MYO16: variants seen among roughly 807,000 people sequenced by gnomAD.
MYO16 encodes the protein myosin XVI, also known as unconventional myosin-XVI.
A neutral mutation model predicts 205.3 loss-of-function variants in MYO16; 94 were observed. That is an observed-to-expected ratio of 0.46 (90% CI 0.39 to 0.54). The LOEUF (loss-of-function observed/expected upper bound fraction) is 0.54, where lower values mean the gene tolerates loss of function less well. MYO16 is among the 20% of genes least tolerant of loss of function. The probability of loss-of-function intolerance (pLI) is 0.00; values close to 1 mark genes in which losing one functional copy is unlikely to be tolerated. For synonymous variants in MYO16, 988 were observed against 954.0 expected (o/e 1.04, Z -0.66); for missense variants, 2,315 against 2,387.5 (o/e 0.97, Z 0.63).
intron 2 of MYO16, among the ~76,000 whole-genome samples, chr13:108,708,665 G>A (rs1380836673): frequency 6.6e-6 from 1 of 152,198 alleles, no homozygotes; most frequent in Admixed American, 6.5e-5. Context: ...GATGTTAAAT[G>A]TAACACCTTT....
At chr13:109,183,761 G>A (rs952744088) in intron 34 of MYO16, among the ~76,000 whole-genome samples, 27 of 152,136 alleles carry the variant, frequency 1.8e-4, no homozygotes, top group African/African-American at 3.6e-4. Context: ...GGTATTCATC[G>A]TAAGAAACCA....
At chr13:108,750,761 C>G (rs1472186970) in intron 4 of MYO16, among the ~76,000 whole-genome samples, 3 of 152,024 alleles carry the variant, frequency 2.0e-5, no homozygotes, top group Non-Finnish European at 4.4e-5. Flanking sequence ...GAGCTGAGAT[C>G]ATGCCACTGC....
chr13:108,761,771 C>A (rs1297245007), intron 4 of MYO16, among the ~76,000 whole-genome samples: 1 of 152,212 alleles, frequency 6.6e-6, no homozygotes, highest in Non-Finnish European at 1.5e-5. Flanking sequence ...CACCTTCTCT[C>A]TGTTTCTGTT....
intron 4 of MYO16, among the ~76,000 whole-genome samples, chr13:108,755,226 A>C (rs917500229): frequency 3.3e-5 from 5 of 151,040 alleles, no homozygotes; most frequent in African/African-American, 1.2e-4. Context: ...CAGAACAAGC[A>C]GAGAATATGT....
chr13:108,600,109 CT>C (rs1163598814), intron 1 of MYO16, among the ~76,000 whole-genome samples: 1 of 152,146 alleles, frequency 6.6e-6, no homozygotes, highest in Non-Finnish European at 1.5e-5. Flanking sequence ...TAATCCTTGA[CT>C]TTTTAAGATT....
chr13:108,876,958 G>A (rs1006047633), intron 12 of MYO16, among the ~76,000 whole-genome samples: 4 of 152,092 alleles, frequency 2.6e-5, no homozygotes, highest in East Asian at 1.9e-4. Flanking sequence ...GAGTCACCGC[G>A]CCCAGCCATT....
At chr13:108,876,515 G>A (rs554590349) in intron 12 of MYO16, among the ~76,000 whole-genome samples, 5 of 152,040 alleles carry the variant, frequency 3.3e-5, no homozygotes, top group East Asian at 3.9e-4. Context: ...ACTTATTTTC[G>A]TAAGCAGTGA....
chr13:109,040,095 C>CA (rs1379465195), intron 23 of MYO16, among the ~76,000 whole-genome samples: 3 of 152,006 alleles, frequency 2.0e-5, no homozygotes, highest in African/African-American at 7.2e-5. Context: ...ATCAATTCCT[C>CA]AAAAAACACA....
intron 4 of MYO16, among the ~76,000 whole-genome samples, chr13:108,746,547 G>C (rs6492141): frequency 9.8e-6 from 1 of 102,268 alleles, no homozygotes; most frequent in East Asian, 9.3e-4. Context: ...CTAGCATAAA[G>C]AAAAGGCGAC....
At chr13:108,765,017 T>C (rs1423202741) in intron 4 of MYO16, among the ~76,000 whole-genome samples, 1 of 152,188 alleles carries the variant, frequency 6.6e-6, no homozygotes, top group African/African-American at 2.4e-5. Flanking sequence ...AATAATACAA[T>C]TCAGAATCAC....
intron 27 of MYO16, among the ~76,000 whole-genome samples, chr13:109,058,708 T>C (rs1420414772): frequency 6.6e-6 from 1 of 152,136 alleles, no homozygotes; most frequent in African/African-American, 2.4e-5. Flanking sequence ...AAGGCTAGGG[T>C]GGCTGTAGTA....
intron 28 of MYO16, among the ~76,000 whole-genome samples, chr13:109,112,577 G>A (rs1889323100): frequency 6.6e-6 from 1 of 152,072 alleles, no homozygotes; most frequent in African/African-American, 2.4e-5. Context: ...CCAACATGGA[G>A]AAACCCTGTT....
chr13:108,832,861 A>C (rs1230707912), intron 9 of MYO16, among the ~76,000 whole-genome samples: 1 of 152,168 alleles, frequency 6.6e-6, no homozygotes, highest in Non-Finnish European at 1.5e-5. Flanking sequence ...TACATTGTTA[A>C]ATTCTACAGA....
chr13:109,201,227 AT>A (rs1350383273), intron 34 of MYO16, among the ~76,000 whole-genome samples: 1 of 152,162 alleles, frequency 6.6e-6, no homozygotes, highest in African/African-American at 2.4e-5. Flanking sequence ...GACAACATGC[AT>A]CCTTTACTCA....
Position 109,055,786 on chromosome 13 carries a change from A to T in MYO16, c.3335+191A>T. 1.7e-6 allele frequency: 1 copy of T among 572,256 alleles called. No homozygotes were observed. The highest frequency in any genetic ancestry group is 2.2e-5 in the South Asian group (1 of 45,662). The allele number at this position is 572,256 out of a possible 1,614,324, so 35.4% of individuals were successfully genotyped here. On this transcript the variant is annotated intron_variant, in intron 27 of 34. Transcript: ENST00000457511. The surrounding 1 kb of genome is among the most constrained non-coding windows in gnomAD (Gnocchi z 5.0). ...TACACTGACAAAGCTCACATAAAAA[A>T]TAATTAAACTGTACTGAGGACAGTA...
chr13:108,836,098 G>A (rs1342037754), intron 9 of MYO16, among the ~76,000 whole-genome samples: 4 of 152,126 alleles, frequency 2.6e-5, no homozygotes, highest in Non-Finnish European at 5.9e-5. Context: ...AGGCAAAAAT[G>A]GTTTTGTGTT....
chr13:109,001,178 A>AT (rs573653899), intron 21 of MYO16, among the ~76,000 whole-genome samples: 15 of 147,624 alleles, frequency 1.0e-4, no homozygotes, highest in Admixed American at 6.1e-4. Flanking sequence ...AGAATAAAAA[A>AT]TTTAAAAAAA....
At chr13:109,111,761 A>C (rs1440707626) in intron 28 of MYO16, among the ~76,000 whole-genome samples, 1 of 150,946 alleles carries the variant, frequency 6.6e-6, no homozygotes, top group Non-Finnish European at 1.5e-5. Flanking sequence ...ATCTCAGCTC[A>C]CTGCAACCTC....
At chr13:109,161,059 T>TTGGATCTAAC in intron 32 of MYO16, among the ~76,000 whole-genome samples, 1 of 152,198 alleles carries the variant, frequency 6.6e-6, no homozygotes. Context: ...TTTCACGTGT[T>TTGGATCTAAC]TGGATCTAAC....
Sources: allele counts gnomAD v4.1 joint callset (sites outside exome capture counted in the v4.1 genomes callset), GRCh38; gene constraint gnomAD v4.1.1; non-coding constraint Gnocchi (gnomAD v3.1); transcripts MANE v1.5; gene names NCBI Gene and HGNC (gene_info 2026-07-23, HGNC 2026-07-21).